BLNK: variants seen among roughly 807,000 people sequenced by gnomAD.
The protein encoded by BLNK is B cell linker.
BLNK carries 29 observed loss-of-function variants against 73.5 expected under a neutral mutation model. That is an observed-to-expected ratio of 0.39 (90% confidence interval 0.29 to 0.54). The LOEUF (loss-of-function observed/expected upper bound fraction) is 0.54, where lower values mean the gene tolerates loss of function less well. Among genes scored for constraint, BLNK ranks in the 20% least tolerant of loss-of-function variants. The probability of loss-of-function intolerance (pLI) is 0.61; values close to 1 mark genes in which losing one functional copy is unlikely to be tolerated. For missense variants in BLNK, 460 were observed against 562.8 expected, an observed-to-expected ratio of 0.82 and a Z score of 1.85; for synonymous variants, 176 against 200.8, an observed-to-expected ratio of 0.88 and a Z score of 1.04.
At chr10:96,203,846 G>A in intron 13 of BLNK, 2 of 410,324 alleles carry the variant, frequency 4.9e-6, no homozygotes, top group Non-Finnish European at 8.8e-6. Flanking sequence ...ACTAAAAAAA[G>A]TAAAAATTGC....
chr10:96,238,563 G>T (rs1355336674), intron 3 of BLNK, among the ~76,000 whole-genome samples: 1 of 152,106 alleles, frequency 6.6e-6, no homozygotes, highest in East Asian at 1.9e-4. Context: ...GAGCTCTCAG[G>T]GCTGATTTCT....
intron 1 of BLNK, among the ~76,000 whole-genome samples, chr10:96,270,788 C>T (rs782723467): frequency 2.0e-5 from 3 of 152,118 alleles, no homozygotes; most frequent in Non-Finnish European, 4.4e-5. Flanking sequence ...CATGGGGCCG[C>T]TTCTGGTTTA....
At chr10:96,241,399 G>T (rs1169270038) in intron 3 of BLNK, among the ~76,000 whole-genome samples, 1 of 152,192 alleles carries the variant, frequency 6.6e-6, no homozygotes, top group Non-Finnish European at 1.5e-5. Context: ...AAAGAAATGT[G>T]TATTGAATAT....
intron 9 of BLNK, 122 bp downstream of exon 9, chr10:96,209,716 T>C (rs2083903327): frequency 8.2e-7 from 1 of 1,220,154 alleles, no homozygotes; most frequent in Non-Finnish European, 1.2e-6. Flanking sequence ...CAGGGCTCCT[T>C]ACTCTTGGTC....
intron 6 of BLNK, among the ~76,000 whole-genome samples, chr10:96,220,965 C>A (rs2125062): frequency 0.57 from 86,661 of 152,062 alleles, 25,086 homozygotes; most frequent in East Asian, 0.77. Flanking sequence ...ATTACTTAGC[C>A]GGAGTCATTT....
At chr10:96,261,809 AG>A (rs1415622205) in intron 1 of BLNK, among the ~76,000 whole-genome samples, 1 of 152,176 alleles carries the variant, frequency 6.6e-6, no homozygotes, top group Non-Finnish European at 1.5e-5. Flanking sequence ...TACTCTTCCT[AG>A]TATGTTCAAT....
At chr10:96,199,013 G>A (rs1262021863) in intron 15 of BLNK, among the ~76,000 whole-genome samples, 1 of 152,100 alleles carries the variant, frequency 6.6e-6, no homozygotes, top group African/African-American at 2.4e-5. Context: ...AAATAGTTTT[G>A]AATATAAAGG....
chr10:96,208,495 T>A (rs1362798706), intron 9 of BLNK, among the ~76,000 whole-genome samples: 1 of 152,162 alleles, frequency 6.6e-6, no homozygotes, highest in African/African-American at 2.4e-5. Context: ...GTCCTGAAGG[T>A]ACTTGCCTGC....
intron 3 of BLNK, among the ~76,000 whole-genome samples, chr10:96,242,112 T>A (rs2134078500): frequency 6.6e-6 from 1 of 152,344 alleles, no homozygotes; most frequent in South Asian, 2.1e-4. Context: ...CCACATGCTG[T>A]GGGAGGGACC....
At chr10:96,261,449 G>A (rs1455818427) in intron 1 of BLNK, among the ~76,000 whole-genome samples, 2 of 152,086 alleles carry the variant, frequency 1.3e-5, no homozygotes, top group East Asian at 1.9e-4. Flanking sequence ...ATTTACTTTT[G>A]AGGTATTTTC....
intron 1 of BLNK, among the ~76,000 whole-genome samples, chr10:96,262,920 A>G (rs80006079): frequency 0.018 from 2,777 of 152,318 alleles, 43 homozygotes; most frequent in South Asian, 0.035. Context: ...ACAGGCAGAC[A>G]TGGAGGGGTC....
rs782362176 is a variant in BLNK, at chr10:96,196,956, A to G, written c.1203T>C (p.Ile401=). 3.7e-6 allele frequency: 6 copies of G among 1,613,640 alleles called. No individual in the cohort carries two copies. The highest frequency in any genetic ancestry group is 4.2e-6 in the Non-Finnish European group (5 of 1,179,786). ...KRVYNIPVRF[I]EATKQYALGR... ...CCAAGGCATATTGTTTTGTTGCTTC[A>G]ATAAATCGCACAGGAATATTATATA... The change falls in exon 16 of 17, where the codon ATT becomes ATC. Residue 401 remains isoleucine (I), a synonymous_variant. Transcript: ENST00000224337.
chr10:96,212,691 C>G lies in BLNK; in HGVS notation c.676+2630G>C, dbSNP rs17111446. Among the ~76,000 whole-genome samples the G allele has an allele frequency of 9.0e-3, 1,375 of 152,292 alleles. 17 individuals carry two copies. The highest frequency in any genetic ancestry group is 0.031 in the African/African-American group (1,297 of 41,560). Reference sequence around the variant, plus strand: ...CAAGAGCAATATTGACCAGAGGAAACTGATGTGGTGTGGTGCTTTGACAGA... The same window carrying G: ...CAAGAGCAATATTGACCAGAGGAAAGTGATGTGGTGTGGTGCTTTGACAGA... On this transcript the variant is annotated intron_variant, in intron 8 of 16. Coordinates refer to ENST00000224337, the MANE Select transcript of BLNK (RefSeq NM_013314.4).
Position 96,223,992 on chromosome 10 carries a change from TGAAAG to T in BLNK, c.362-8_362-4del. 6.2e-7 allele frequency: 1 copy of T among 1,612,556 alleles called. No individual in the cohort carries two copies. Among genetic ancestry groups the T allele is most frequent in the Non-Finnish European group, 8.5e-7 (1 of 1,179,998 alleles). ...ATGCCTCTGGCTTGATCGATTGTCT[TGAAAG>T]GAACAAACAAAAAACATAACATAAA... On this transcript the variant is annotated splice_polypyrimidine_tract_variant and splice_region_variant and intron_variant, in intron 5 of 16. Transcript: ENST00000224337.
intron 13 of BLNK, among the ~76,000 whole-genome samples, chr10:96,201,565 AG>A (rs1554896155): frequency 6.6e-6 from 1 of 152,246 alleles, no homozygotes; most frequent in African/African-American, 2.4e-5. Context: ...TTAAAATACT[AG>A]GTATCAATAG....
At chr10:96,205,565 G>C (rs1157430974) in intron 11 of BLNK, among the ~76,000 whole-genome samples, 1 of 152,170 alleles carries the variant, frequency 6.6e-6, no homozygotes, top group African/African-American at 2.4e-5. Flanking sequence ...TAGATGTTTT[G>C]CTCATGACAT....
At chr10:96,234,936 C>A (rs1842643843) in intron 3 of BLNK, among the ~76,000 whole-genome samples, 1 of 152,252 alleles carries the variant, frequency 6.6e-6, no homozygotes, top group South Asian at 2.1e-4. Flanking sequence ...GCCCTCTTGT[C>A]AGTTAAAGCC....
intron 2 of BLNK, among the ~76,000 whole-genome samples, chr10:96,244,681 G>A (rs941310987): frequency 6.6e-6 from 1 of 152,148 alleles, no homozygotes; most frequent in South Asian, 2.1e-4. Flanking sequence ...GTCACCCGGG[G>A]TAATGACTAT....
At chr10:96,225,472 T>C (rs587768854) in intron 5 of BLNK, among the ~76,000 whole-genome samples, 1 of 152,318 alleles carries the variant, frequency 6.6e-6, no homozygotes, top group Non-Finnish European at 1.5e-5. Flanking sequence ...TTTCTGGTGG[T>C]GTGGCTGTAC....
Sources: allele counts gnomAD v4.1 joint callset (sites outside exome capture counted in the v4.1 genomes callset), GRCh38; gene constraint gnomAD v4.1.1; transcripts MANE v1.5; gene names NCBI Gene and HGNC (gene_info 2026-07-23, HGNC 2026-07-21).